Variants in TRANK1 observed in about 807,000 individuals in gnomAD.
The protein encoded by TRANK1 is tetratricopeptide repeat and ankyrin repeat containing 1, also known as TPR and ankyrin repeat-containing protein 1.
TRANK1 carries 198 observed loss-of-function variants against 266.0 expected under a neutral mutation model. The ratio of observed to expected loss-of-function variants is 0.74; its 90% CI spans 0.66 to 0.84. TRANK1 has a LOEUF of 0.84. TRANK1 is among the 40% of genes least tolerant of loss of function. The probability of loss-of-function intolerance (pLI) is 0.00; values close to 1 mark genes in which losing one functional copy is unlikely to be tolerated. For missense variants in TRANK1, 3,326 were observed against 3,634.6 expected (o/e 0.92, Z 2.18); for synonymous variants, 1,396 against 1,384.1 (o/e 1.01, Z -0.19).
At chr3:36,924,692 C>T (rs2080263440) in intron 1 of TRANK1, among the ~76,000 whole-genome samples, 1 of 152,318 alleles carries the variant, frequency 6.6e-6, no homozygotes, top group South Asian at 2.1e-4. Flanking sequence ...GCCCCCTCCT[C>T]GTTGCCCTAA....
chr3:36,914,238 A>C (rs569539325), intron 1 of TRANK1, among the ~76,000 whole-genome samples: 2 of 151,808 alleles, frequency 1.3e-5, no homozygotes, highest in South Asian at 2.1e-4. Flanking sequence ...GGTTCAAGCT[A>C]TTCTCCTGCC....
chr3:36,899,731 C>A (rs1312635746), intron 3 of TRANK1, among the ~76,000 whole-genome samples: 1 of 152,206 alleles, frequency 6.6e-6, no homozygotes, highest in Non-Finnish European at 1.5e-5. Flanking sequence ...TGCCACATTG[C>A]TCCTGTCATT....
intron 2 of TRANK1, among the ~76,000 whole-genome samples, chr3:36,903,479 A>T (rs552197310): frequency 1.3e-5 from 2 of 152,176 alleles, no homozygotes; most frequent in Non-Finnish European, 2.9e-5. Flanking sequence ...CTCACTCCCA[A>T]ATACTCTGCT....
chr3:36,861,053 G>A lies in TRANK1; in HGVS notation c.1348C>T (p.Arg450Cys), dbSNP rs757396295. The change falls in exon 11 of 24, where the codon CGC becomes TGC. Residue 450 changes from arginine (R) to cysteine (C), a missense_variant. Arg to Cys is a radical substitution (Grantham distance 180). Coordinates refer to ENST00000645898, the MANE Select transcript of TRANK1 (RefSeq NM_001329998.2). ...AGCGGTGGTTCTCCACTTACTTTGC[G>A]GGTCAGCAGCAGAAGCACCTCAGGC... ...RWPEVLLLLT[R>C]KVSGEPPLGD... 23 of 1,537,596 alleles carry A rather than the reference G, an allele frequency of 1.5e-5. No individual in the cohort carries two copies. The Admixed American group carries it at 1.8e-4, about 12-fold the overall frequency.
chr3:36,851,257 T>G, intron 15 of TRANK1: 1 of 986,692 alleles, frequency 1.0e-6, no homozygotes, highest in Non-Finnish European at 1.2e-6. Flanking sequence ...GTCCCCCACA[T>G]TACCTGATCC....
At position 36,847,195 on chromosome 3, in the gene TRANK1, TTCACC is replaced by T; in HGVS notation, c.5034_5034+4del. 1 of 1,610,814 alleles carries T rather than the reference TTCACC, an allele frequency of 6.2e-7. No homozygotes were observed. The highest frequency in any genetic ancestry group is 8.5e-7 in the Non-Finnish European group (1 of 1,177,876). ...TACATGTGTTGACAAATGGCAGAAA[TTCACC>T]TTGTACATTTCTGGATTCACCATGA... On this transcript the variant is annotated splice_donor_variant and splice_donor_region_variant and coding_sequence_variant and intron_variant, in exon 16 of 24. Transcript: ENST00000645898. LOFTEE classifies it high-confidence loss of function.
chr3:36,832,960 T>C lies in TRANK1; in HGVS notation c.6623A>G (p.His2208Arg), dbSNP rs377361730. ...ACAACGCCGCAGAGGCCTGTGAAAA[T>C]GTTCACAGTTTTCATCCTCACATTT... is the stretch of plus-strand genomic sequence containing the variant. ...GLKCEDENCE[H>R]FHRPLRRCEA... The change falls in exon 22 of 24, where the codon CAT becomes CGT. Residue 2208 changes from histidine to arginine, a missense_variant. By Grantham distance (29) the His-to-Arg change is conservative. Transcript: ENST00000645898. 35 of 1,611,586 alleles carry C rather than the reference T, an allele frequency of 2.2e-5. No homozygotes were observed. In the African/African-American group the frequency reaches 4.3e-4, roughly 20 times the overall value.
chr3:36,925,364 A>G, intron 1 of TRANK1, among the ~76,000 whole-genome samples: 1 of 152,226 alleles, frequency 6.6e-6, no homozygotes, highest in Non-Finnish European at 1.5e-5. Context: ...AGAATCATCT[A>G]AAGTTCTCTA....
At chr3:36,942,616 G>A (rs915378735) in intron 1 of TRANK1, among the ~76,000 whole-genome samples, 11 of 151,544 alleles carry the variant, frequency 7.3e-5, no homozygotes, top group African/African-American at 2.4e-4. Flanking sequence ...AAAGTAACCA[G>A]AAGCATCTGC....
At chr3:36,919,681 G>T (rs1466304414) in intron 1 of TRANK1, among the ~76,000 whole-genome samples, 1 of 152,204 alleles carries the variant, frequency 6.6e-6, no homozygotes, top group African/African-American at 2.4e-5. Flanking sequence ...ACTTTTAGTA[G>T]AGACTGCCAG....
At chr3:36,937,146 T>G (rs78393568) in intron 1 of TRANK1, among the ~76,000 whole-genome samples, 6 of 152,302 alleles carry the variant, frequency 3.9e-5, no homozygotes, top group African/African-American at 1.2e-4. Context: ...TTTCAACTTC[T>G]GGGTCTGAAA....
chr3:36,857,239 T>C lies in TRANK1; in HGVS notation c.2483A>G (p.Asp828Gly). 1 of 1,613,370 alleles carries C rather than the reference T, an allele frequency of 6.2e-7. No individual in the cohort carries two copies. The highest frequency in any genetic ancestry group is 1.6e-4 in the Middle Eastern group (1 of 6,062). Residue 828 changes from aspartate to glycine, a missense_variant, in exon 13 of 24, where the codon GAC becomes GGC. Asp to Gly is a moderately conservative substitution (Grantham distance 94). Transcript: ENST00000645898. This position sits in a 1 kb window ranked among gnomAD's most constrained non-coding sequence, Gnocchi z 4.3. Reference protein sequence around the residue: ...STQEIEACLQDFDNMTWEIEC... With the variant: ...STQEIEACLQGFDNMTWEIEC... ...GATCTCCCAGGTCATGTTATCGAAGTCCTGGAGGCAGGCCTCAATCTCCTG... is the reference window on the plus strand; with the variant it reads ...GATCTCCCAGGTCATGTTATCGAAGCCCTGGAGGCAGGCCTCAATCTCCTG...
chr3:36,842,176 A>G (rs2078853247), intron 18 of TRANK1, among the ~76,000 whole-genome samples: 1 of 152,252 alleles, frequency 6.6e-6, no homozygotes, highest in African/African-American at 2.4e-5. Context: ...GTGTAATAAA[A>G]AGCCTTAACC....
In TRANK1 at chr3:36,856,726, T is replaced by C. The variant is rs1444211136; in HGVS notation, c.2996A>G (p.Asp999Gly). The change falls in exon 13 of 24, where the codon GAC becomes GGC. Residue 999 changes from aspartate (D) to glycine (G), a missense_variant. Asp to Gly is a moderately conservative substitution (Grantham distance 94, BLOSUM62 -1). Transcript: ENST00000645898. ...CTCCCTGCCCTTCTCGGCCTCTGTG[T>C]CCTCCACATAGCAGCGAGGTATACG... ...QKRIPRCYVE[D>G]TEAEKGREHV... is the part of the protein sequence containing the mutation. The C allele has an allele frequency of 3.1e-6, 5 of 1,614,060 alleles. No homozygotes were observed. Among genetic ancestry groups the C allele is most frequent in the Non-Finnish European group, 1.7e-6 (2 of 1,179,900 alleles).
intron 15 of TRANK1, 112 bp from the exon 16 acceptor site, chr3:36,847,458 C>T: frequency 8.8e-7 from 1 of 1,137,206 alleles, no homozygotes; most frequent in Non-Finnish European, 1.2e-6. Context: ...GGCCTTCAAC[C>T]CCAACTTTGA....
intron 1 of TRANK1, among the ~76,000 whole-genome samples, chr3:36,943,983 A>G (rs2125676586): frequency 6.6e-6 from 1 of 152,232 alleles, no homozygotes; most frequent in Admixed American, 6.5e-5. Context: ...CTGGGAGAAA[A>G]GGTGGCTTGA....
intron 1 of TRANK1, among the ~76,000 whole-genome samples, chr3:36,922,190 A>T (rs1013621464): frequency 8.5e-5 from 13 of 152,104 alleles, no homozygotes; most frequent in Non-Finnish European, 1.6e-4. Flanking sequence ...AAGCAGGGCA[A>T]TTAGCTCTGT....
At chr3:36,872,897 T>C (rs953421541) in intron 9 of TRANK1, among the ~76,000 whole-genome samples, 3 of 151,958 alleles carry the variant, frequency 2.0e-5, no homozygotes, top group Non-Finnish European at 2.9e-5. Flanking sequence ...ACTAGGGAAA[T>C]TGCAGGACTC....
rs757865245 is a variant in TRANK1, at chr3:36,856,846, C to T, written c.2876G>A (p.Cys959Tyr). The change falls in exon 13 of 24, where the codon TGC becomes TAC. Residue 959 changes from cysteine to tyrosine, a missense_variant. Physicochemically the swap from Cys to Tyr is radical, Grantham distance 194. Coordinates refer to ENST00000645898, the MANE Select transcript of TRANK1 (RefSeq NM_001329998.2). ...CKLADSIKAI[C>Y]NAYNRGLSCV... is the part of the protein sequence containing the mutation. ...GGACAAGCCCCGGTTGTAGGCATTG[C>T]AGATGGCCTTGATGGAATCAGCCAG... 1.2e-6 allele frequency: 2 copies of T among 1,614,046 alleles called. No homozygotes were observed. Among genetic ancestry groups the T allele is most frequent in the Admixed American group, 3.3e-5 (2 of 60,024 alleles).
Sources: allele counts gnomAD v4.1 joint callset (sites outside exome capture counted in the v4.1 genomes callset), GRCh38; gene constraint gnomAD v4.1.1; non-coding constraint Gnocchi (gnomAD v3.1); transcripts MANE v1.5; gene names NCBI Gene and HGNC (gene_info 2026-07-23, HGNC 2026-07-21).